Variants in KHDRBS2 observed in about 807,000 individuals in gnomAD.
KHDRBS2 encodes the protein KH RNA binding domain containing, signal transduction associated 2, also known as KH domain-containing, RNA-binding, signal transduction-associated protein 2.
KHDRBS2 carries 26 observed loss-of-function variants against 44.3 expected under a neutral mutation model. That is an observed-to-expected ratio of 0.59 (90% confidence interval 0.43 to 0.81). KHDRBS2 has a LOEUF of 0.81. Among genes scored for constraint, KHDRBS2 ranks in the 40% least tolerant of loss-of-function variants. KHDRBS2 has a pLI of 0.00. For missense variants in KHDRBS2, 476 were observed against 433.1 expected (o/e 1.10, Z -0.88); for synonymous variants, 194 against 151.1 (o/e 1.28, Z -2.08).
intron 6 of KHDRBS2, among the ~76,000 whole-genome samples, chr6:61,848,508 T>C (rs1340439821): frequency 1.5e-3 from 79 of 53,624 alleles, no homozygotes; most frequent in South Asian, 7.4e-3. Flanking sequence ...TATATATATA[T>C]ATGTATATAT....
At chr6:62,062,394 C>G (rs566616629) in intron 2 of KHDRBS2, among the ~76,000 whole-genome samples, 1 of 145,422 alleles carries the variant, frequency 6.9e-6, no homozygotes, top group Non-Finnish European at 1.5e-5. Context: ...CTCTCCTCAG[C>G]AAATGTAAAA....
At chr6:61,789,147 T>C (rs1408851023) in intron 6 of KHDRBS2, among the ~76,000 whole-genome samples, 3 of 151,456 alleles carry the variant, frequency 2.0e-5, no homozygotes, top group Non-Finnish European at 4.4e-5. Flanking sequence ...AATATTAATA[T>C]GACATTAGTA....
chr6:61,567,150 C>G, the KHDRBS2 span, among the ~76,000 whole-genome samples: 1 of 152,122 alleles, frequency 6.6e-6, no homozygotes, highest in Non-Finnish European at 1.5e-5. Context: ...TCAATGATTA[C>G]ATTTCAAAAG....
At chr6:61,823,306 T>A (rs924931988) in intron 6 of KHDRBS2, among the ~76,000 whole-genome samples, 1 of 152,086 alleles carries the variant, frequency 6.6e-6, no homozygotes, top group African/African-American at 2.4e-5. Flanking sequence ...TGGAACCCTA[T>A]AAAAAGTTGT....
intron 1 of KHDRBS2, among the ~76,000 whole-genome samples, chr6:62,222,018 T>A (rs778665444): frequency 2.0e-5 from 3 of 152,190 alleles, no homozygotes; most frequent in Non-Finnish European, 4.4e-5. Context: ...TGGAAACCTC[T>A]GCATATTTGG....
the KHDRBS2 span, among the ~76,000 whole-genome samples, chr6:61,674,827 AAAC>A: frequency 6.6e-6 from 1 of 151,732 alleles, no homozygotes; most frequent in Admixed American, 6.6e-5. Flanking sequence ...AAACAAGACA[AAAC>A]AACCCTACAA....
intron 6 of KHDRBS2, among the ~76,000 whole-genome samples, chr6:61,892,685 A>C (rs1285644789): frequency 6.6e-6 from 1 of 152,214 alleles, no homozygotes; most frequent in Non-Finnish European, 1.5e-5. Flanking sequence ...GTGCTGGGAA[A>C]ACTCGCTAGC....
At chr6:62,007,199 C>T (rs1584112892) in intron 3 of KHDRBS2, among the ~76,000 whole-genome samples, 1 of 152,044 alleles carries the variant, frequency 6.6e-6, no homozygotes, top group Admixed American at 6.6e-5. Context: ...TAAGCCTCTT[C>T]CATTTCTCCA....
rs1199526440 is a variant in KHDRBS2, at chr6:61,952,857, T to A, written c.483+25209A>T. 2.0e-5 allele frequency among the ~76,000 whole-genome samples: 3 copies of A among 152,084 alleles called. No individual in the cohort carries two copies. The East Asian group carries it at 5.8e-4, about 29-fold the overall frequency. On this transcript the variant is annotated intron_variant, in intron 4 of 8. Transcript: ENST00000281156. ...ATTCCTACTAATCATTTTACCACAC[T>A]TCAACTCACAACACACATTATCTCT...
At chr6:61,632,981 T>A in the KHDRBS2 span, among the ~76,000 whole-genome samples, 2 of 152,118 alleles carry the variant, frequency 1.3e-5, no homozygotes, top group African/African-American at 4.8e-5. Flanking sequence ...AGCCTACTTA[T>A]AACAAAATAA....
chr6:61,761,668 A>G lies in KHDRBS2; in HGVS notation c.811-28904T>C, dbSNP rs112542560. On this transcript the variant is annotated intron_variant, in intron 6 of 8. Transcript: ENST00000281156. ...ATATGTACTAAATGGAACTGCCATT[A>G]TAATATGATGCAGTAGAGAACTACA... Among the ~76,000 whole-genome samples the G allele has an allele frequency of 1.8e-3, 276 of 152,356 alleles. 1 individual carries two copies. The highest frequency in any genetic ancestry group is 5.7e-3 in the African/African-American group (236 of 41,592).
At chr6:62,113,976 A>G (rs2150077186) in intron 2 of KHDRBS2, among the ~76,000 whole-genome samples, 1 of 152,252 alleles carries the variant, frequency 6.6e-6, no homozygotes, top group South Asian at 2.1e-4. Context: ...GTAACTTACA[A>G]TCATGGCAGA....
the KHDRBS2 span, among the ~76,000 whole-genome samples, chr6:61,653,776 G>A: frequency 6.6e-6 from 1 of 151,962 alleles, no homozygotes. Context: ...TTATAACATA[G>A]CAAAAGAAAG....
At chr6:61,758,941 C>A (rs1778891764) in intron 6 of KHDRBS2, among the ~76,000 whole-genome samples, 2 of 152,096 alleles carry the variant, frequency 1.3e-5, no homozygotes, top group African/African-American at 2.4e-5. Flanking sequence ...TAAAATTTCT[C>A]ATTTTTATGG....
chr6:61,706,571 T>C (rs1769598216), intron 7 of KHDRBS2, among the ~76,000 whole-genome samples: 1 of 151,764 alleles, frequency 6.6e-6, no homozygotes, highest in South Asian at 2.1e-4. Context: ...TCTCATGGGA[T>C]TGAGGACCAA....
chr6:61,951,858 G>A (rs903978623), intron 4 of KHDRBS2, among the ~76,000 whole-genome samples: 11 of 151,864 alleles, frequency 7.2e-5, no homozygotes, highest in Non-Finnish European at 2.9e-5. Flanking sequence ...TTGGCATGCT[G>A]TCAGACAAGT....
the KHDRBS2 span, among the ~76,000 whole-genome samples, chr6:61,639,968 T>C: frequency 6.6e-6 from 1 of 152,066 alleles, no homozygotes; most frequent in African/African-American, 2.4e-5. Context: ...AAAAGTGATG[T>C]GTGGACCTTG....
At position 61,868,950 on chromosome 6, in the gene KHDRBS2, T is replaced by C. The variant is rs372022227; in HGVS notation, c.810+25685A>G. ...TGAGACTCCACATAGCTCTGTATGT[T>C]GGACCCAAGGCCCTGGTGGAGTGGG... On this transcript the variant is annotated intron_variant, in intron 6 of 8. Coordinates refer to ENST00000281156, the MANE Select transcript of KHDRBS2 (RefSeq NM_152688.4). 2.0e-5 allele frequency among the ~76,000 whole-genome samples: 3 copies of C among 152,266 alleles called. No homozygotes were observed. The East Asian group carries it at 5.8e-4, about 29-fold the overall frequency.
intron 4 of KHDRBS2, among the ~76,000 whole-genome samples, chr6:61,952,845 AT>A (rs1334472808): frequency 6.6e-6 from 1 of 152,088 alleles, no homozygotes; most frequent in Non-Finnish European, 1.5e-5. Flanking sequence ...CCTACTAATC[AT>A]TTTACCACAC....
Sources: gnomAD v4.1 joint callset for allele counts (sites outside exome capture counted in the v4.1 genomes callset) on GRCh38, gnomAD v4.1.1 for gene constraint, MANE v1.5 for transcripts, NCBI Gene and HGNC (gene_info 2026-07-23, HGNC 2026-07-21) for gene names.